The following ICA1L variants were observed in gnomAD, a reference collection of about 807,000 sequenced individuals.
ICA1L encodes the protein islet cell autoantigen 1-like protein.
ICA1L carries 50 observed loss-of-function variants against 61.3 expected under a neutral mutation model. The ratio of observed to expected loss-of-function variants is 0.82; its 90% CI spans 0.65 to 1.03. The LOEUF (loss-of-function observed/expected upper bound fraction) is 1.03. Among genes scored for constraint, ICA1L ranks in the 50% least tolerant of loss-of-function variants. The pLI, the probability that ICA1L is intolerant of heterozygous loss-of-function variation, is 0.00. For synonymous variants in ICA1L, 161 were observed against 191.3 expected (o/e 0.84, Z 1.31); for missense variants, 508 against 556.7 (o/e 0.91, Z 0.88).
intron 10 of ICA1L, among the ~76,000 whole-genome samples, chr2:202,795,859 T>C (rs1692908781): frequency 6.6e-6 from 1 of 151,666 alleles, no homozygotes; most frequent in Non-Finnish European, 1.5e-5. Flanking sequence ...CCTGGCCACA[T>C]GATGAAACCC....
chr2:202,786,920 T>TAA (rs1344033188), intron 11 of ICA1L: 1 of 345,190 alleles, frequency 2.9e-6, no homozygotes, highest in African/African-American at 2.2e-5. Context: ...AAAAACCATT[T>TAA]ATGCTATGAT....
intron 1 of ICA1L, chr2:202,869,723 C>CT (rs1032149483): frequency 1.5e-4 from 23 of 151,774 alleles, no homozygotes; most frequent in African/African-American, 5.3e-4. Context: ...GAATTTTAGT[C>CT]TTTTTTTATC....
intron 1 of ICA1L, among the ~76,000 whole-genome samples, chr2:202,855,978 G>A (rs1285491208): frequency 6.6e-6 from 1 of 151,080 alleles, no homozygotes; most frequent in African/African-American, 2.4e-5. Context: ...AGAGGCTGAG[G>A]CAGAGAACTG....
rs1692269383 is a variant in ICA1L at position 202,777,764 on chromosome 2, AT to A, written c.*1768del. 2 of 152,146 alleles carry A rather than the reference AT, an allele frequency of 1.3e-5. No homozygotes were observed. Among genetic ancestry groups the A allele is most frequent in the African/African-American group, 4.8e-5 (2 of 41,408 alleles). 9.4% of individuals were successfully genotyped at this position (152,146 alleles called of 1,614,324 possible). On this transcript the variant is annotated 3_prime_UTR_variant, in exon 13 of 13. Transcript: ENST00000358299. ...ACTGCATTTTACCTACTCTGGTCCA[AT>A]GTTTTCTATGTACCATGACAAACAT...
At chr2:202,820,795 C>T (rs1372935657) in intron 4 of ICA1L, among the ~76,000 whole-genome samples, 4 of 152,182 alleles carry the variant, frequency 2.6e-5, no homozygotes, top group African/African-American at 4.8e-5. Flanking sequence ...GCTATATAAA[C>T]TGGACACCAT....
chr2:202,819,443 A>C (rs1326303505), intron 5 of ICA1L, among the ~76,000 whole-genome samples: 1 of 152,176 alleles, frequency 6.6e-6, no homozygotes, highest in Admixed American at 6.5e-5. Flanking sequence ...AGGAAGCAAC[A>C]TTTAAGAAGT....
chr2:202,810,255 C>T (rs1693336874), intron 9 of ICA1L, among the ~76,000 whole-genome samples: 1 of 152,152 alleles, frequency 6.6e-6, no homozygotes, highest in South Asian at 2.1e-4. Flanking sequence ...AAATATCCTC[C>T]AAAAATTGTT....
chr2:202,796,858 ATCAT>A (rs1692941639), intron 10 of ICA1L, 28 bp downstream of exon 10: 7 of 1,269,934 alleles, frequency 5.5e-6, no homozygotes, highest in Non-Finnish European at 7.7e-6. Flanking sequence ...ATTTTAAAGA[ATCAT>A]TCATATGTAG....
Position 202,775,706 on chromosome 2 carries a change from A to T in ICA1L, c.*3827T>A, listed in dbSNP as rs2105808677. ...GCTAATTTTTATATTTTTCATAGAG[A>T]TGGGGTTTCACCATGTTGGCCAGGG... On this transcript the variant is annotated 3_prime_UTR_variant, in exon 13 of 13. Coordinates refer to ENST00000358299, the MANE Select transcript of ICA1L (RefSeq NM_001288622.3). The T allele has an allele frequency of 6.6e-6, 1 of 152,228 alleles. No individual in the cohort carries two copies. Among genetic ancestry groups the T allele is most frequent in the East Asian group, 1.9e-4 (1 of 5,196 alleles). 9.4% of individuals were successfully genotyped at this position (152,228 alleles called of 1,614,324 possible).
In ICA1L at chr2:202,830,396, G is replaced by A. The variant is rs562440156; in HGVS notation, c.-7-1380C>T. Among the ~76,000 whole-genome samples the A allele has an allele frequency of 2.0e-5, 3 of 152,176 alleles. No individual in the cohort carries two copies. In the East Asian group the frequency reaches 5.8e-4, roughly 29 times the overall value. On this transcript the variant is annotated intron_variant, in intron 1 of 12. Transcript: ENST00000358299. ...GCACTCCAGCCTGACAACAGAGCGA[G>A]ACTCCGTCTCAAAAAAAATAAAAAA...
chr2:202,835,215 CTTTTTTTTTTTT>C (rs544503963), intron 1 of ICA1L, among the ~76,000 whole-genome samples: 1 of 120,658 alleles, frequency 8.3e-6, no homozygotes. Context: ...TGATTTCTTC[CTTTTTTTTTTTT>C]TTTTTTTTTT....
At chr2:202,781,315 G>A (rs957491719) in intron 12 of ICA1L, among the ~76,000 whole-genome samples, 2 of 152,084 alleles carry the variant, frequency 1.3e-5, no homozygotes, top group African/African-American at 2.4e-5. Context: ...GCTCACGCCT[G>A]TAATTCAAGC....
At chr2:202,869,690 TA>T (rs1438376432) in intron 1 of ICA1L, 1 of 152,186 alleles carries the variant, frequency 6.6e-6, no homozygotes, top group Non-Finnish European at 1.5e-5. Context: ...GTCTTTTTTT[TA>T]ATCTCAACTA....
intron 4 of ICA1L, among the ~76,000 whole-genome samples, chr2:202,820,811 T>A (rs965439027): frequency 1.3e-5 from 2 of 152,238 alleles, no homozygotes; most frequent in African/African-American, 4.8e-5. Flanking sequence ...ACCATCATTA[T>A]AGGTCTGATA....
At chr2:202,819,147 G>A (rs973379802) in intron 5 of ICA1L, among the ~76,000 whole-genome samples, 1 of 152,130 alleles carries the variant, frequency 6.6e-6, no homozygotes, top group African/African-American at 2.4e-5. Context: ...TTTATATTAT[G>A]GGTTCTCTAT....
At chr2:202,786,685 C>T (rs1175196250) in intron 11 of ICA1L, 1 of 453,682 alleles carries the variant, frequency 2.2e-6, no homozygotes, top group Non-Finnish European at 4.4e-6. Context: ...CCCTTGGACT[C>T]AGTGATCCCA....
At chr2:202,868,180 A>G (rs1417375389) in intron 1 of ICA1L, among the ~76,000 whole-genome samples, 1 of 152,224 alleles carries the variant, frequency 6.6e-6, no homozygotes, top group Non-Finnish European at 1.5e-5. Context: ...AAAAAAGAAA[A>G]AAAAAGGCTA....
rs564116223 is a variant in ICA1L at position 202,810,288 on chromosome 2, C to G, written c.910+1458G>C. Among the ~76,000 whole-genome samples, 11 of 152,332 alleles carry G rather than the reference C, an allele frequency of 7.2e-5. No homozygotes were observed. The East Asian group carries it at 1.9e-3, about 27-fold the overall frequency. On this transcript the variant is annotated intron_variant, in intron 9 of 12. Coordinates refer to ENST00000358299, the MANE Select transcript of ICA1L (RefSeq NM_001288622.3). ...GTTGTGGGAAGTCAGGGACCCCGAA[C>G]AGAGGGACCGGCTGAAGCCATGGCA...
At chr2:202,810,980 C>A (rs996830222) in intron 9 of ICA1L, among the ~76,000 whole-genome samples, 1 of 152,214 alleles carries the variant, frequency 6.6e-6, no homozygotes, top group Non-Finnish European at 1.5e-5. Context: ...ATGACAATGC[C>A]TGCCCGAAAC....
Sources: gnomAD v4.1 joint callset for allele counts (sites outside exome capture counted in the v4.1 genomes callset) on GRCh38, gnomAD v4.1.1 for gene constraint, MANE v1.5 for transcripts, NCBI Gene and HGNC (gene_info 2026-07-23, HGNC 2026-07-21) for gene names.